The following CAPN13 variants were observed in gnomAD, a reference collection of about 807,000 sequenced individuals.
The protein encoded by CAPN13 is calpain-13.
CAPN13 carries 90 observed loss-of-function variants against 98.4 expected under a neutral mutation model. That is an observed-to-expected ratio of 0.92 (90% CI 0.77 to 1.09). CAPN13 has a LOEUF of 1.09. CAPN13 is among the 50% of genes least tolerant of loss of function. The pLI is 0.00. For missense variants in CAPN13, 887 were observed against 841.3 expected, an observed-to-expected ratio of 1.05 and a Z score of -0.67; for synonymous variants, 330 against 305.5, an observed-to-expected ratio of 1.08 and a Z score of -0.84.
intron 9 of CAPN13, among the ~76,000 whole-genome samples, chr2:30,754,066 G>T (rs1263755349): frequency 3.3e-5 from 5 of 152,098 alleles, no homozygotes; most frequent in African/African-American, 1.2e-4. Flanking sequence ...AAAATGTCCT[G>T]GAAAGTTCAG....
At chr2:30,807,140 T>C (rs1675677943) in intron 1 of CAPN13, among the ~76,000 whole-genome samples, 162 bp downstream of exon 1, 1 of 152,186 alleles carries the variant, frequency 6.6e-6, no homozygotes, top group East Asian at 1.9e-4. Context: ...TTGGACCACC[T>C]GCATCAAAAA....
chr2:30,797,535 G>A (rs894483441), intron 1 of CAPN13, among the ~76,000 whole-genome samples: 3 of 152,114 alleles, frequency 2.0e-5, no homozygotes, highest in African/African-American at 4.8e-5. Flanking sequence ...AGCAGCAGAC[G>A]GATATTAATT....
chr2:30,759,426 C>G (rs1672708172), intron 7 of CAPN13, among the ~76,000 whole-genome samples: 1 of 152,194 alleles, frequency 6.6e-6, no homozygotes, highest in Non-Finnish European at 1.5e-5. Flanking sequence ...CAGCCCTCAG[C>G]ATGGCGAGAG....
In CAPN13 at chr2:30,732,618, C is replaced by T. The variant is rs1452931314; in HGVS notation, c.1799-52G>A. On this transcript the variant is annotated intron_variant, in intron 19 of 22. Transcript: ENST00000295055. The stretch of plus-strand genomic sequence containing the variant: ...GAGAGGAGGCTAGGGCTCGGGGGTT[C>T]CTCTGCCTCTCAGGGTCTGAGACAC... 7.0e-6 allele frequency: 11 copies of T among 1,567,814 alleles called. No individual in the cohort carries two copies. In the Admixed American group the frequency reaches 1.7e-4, roughly 24 times the overall value.
chr2:30,770,536 T>G, intron 4 of CAPN13, 87 bp from the exon 5 acceptor site: 1 of 1,489,352 alleles, frequency 6.7e-7, no homozygotes, highest in Non-Finnish European at 9.2e-7. Flanking sequence ...AGTTGCAACA[T>G]GACCTCTACA....
chr2:30,782,872 C>CAT (rs1464837166), intron 2 of CAPN13, among the ~76,000 whole-genome samples: 1 of 152,154 alleles, frequency 6.6e-6, no homozygotes, highest in Admixed American at 6.5e-5. Context: ...AGCCACAAGC[C>CAT]ATATGTGGAT....
intron 1 of CAPN13, among the ~76,000 whole-genome samples, chr2:30,804,634 G>A (rs555058771): frequency 9.2e-5 from 14 of 152,300 alleles, no homozygotes; most frequent in Admixed American, 2.0e-4. Flanking sequence ...TGTATACCAT[G>A]CTTTAGGAAA....
At chr2:30,761,957 G>A (rs1672871994) in intron 7 of CAPN13, among the ~76,000 whole-genome samples, 1 of 152,174 alleles carries the variant, frequency 6.6e-6, no homozygotes, top group Admixed American at 6.5e-5. Context: ...GGTCCATAAA[G>A]TCCTGGGAGA....
At chr2:30,791,661 A>G (rs139600667) in intron 1 of CAPN13, among the ~76,000 whole-genome samples, 1 of 152,262 alleles carries the variant, frequency 6.6e-6, no homozygotes. Flanking sequence ...CATGGAAAAG[A>G]TGCATAAGAG....
intron 14 of CAPN13, 31 bp from the exon 15 acceptor site, chr2:30,741,995 AC>A (rs1283566701): frequency 6.2e-7 from 1 of 1,604,106 alleles, no homozygotes; most frequent in Non-Finnish European, 8.5e-7. Flanking sequence ...TCAATGTTAG[AC>A]TTCTGGGGAA....
intron 2 of CAPN13, among the ~76,000 whole-genome samples, chr2:30,783,198 G>T (rs115321297): frequency 0.089 from 13,586 of 152,154 alleles, 1,332 homozygotes; most frequent in East Asian, 0.43. Context: ...CTCCTAAAAG[G>T]GGTCCACTCT....
chr2:30,742,968 C>A (rs559804453), intron 13 of CAPN13, among the ~76,000 whole-genome samples: 99 of 152,332 alleles, frequency 6.5e-4, no homozygotes, highest in African/African-American at 2.3e-3. Context: ...ACTCTCCAAG[C>A]AGCCCTGTGC....
At chr2:30,771,092 T>C (rs1673386507) in intron 4 of CAPN13, among the ~76,000 whole-genome samples, 1 of 152,226 alleles carries the variant, frequency 6.6e-6, no homozygotes, top group Non-Finnish European at 1.5e-5. Flanking sequence ...CTGGCATCGC[T>C]ACTGCTAAGA....
In CAPN13 at chr2:30,752,260, C is replaced by G. The variant is rs1374592446; in HGVS notation, c.1087+793G>C. ...GTGCCCAGAGGAAGGGATGCATATG[C>G]ATCCCTGGGTGCAAACACACAACAA... On this transcript the variant is annotated intron_variant, in intron 10 of 22. Transcript: ENST00000295055. Among the ~76,000 whole-genome samples, 3 of 152,346 alleles carry G rather than the reference C, an allele frequency of 2.0e-5. 1 individual carries two copies. Among genetic ancestry groups the G allele is most frequent in the Admixed American group, 2.0e-4 (3 of 15,302 alleles).
intron 18 of CAPN13, among the ~76,000 whole-genome samples, chr2:30,735,022 G>C (rs895170060): frequency 1.3e-5 from 2 of 152,202 alleles, no homozygotes; most frequent in African/African-American, 4.8e-5. Flanking sequence ...TTTATAAAGT[G>C]CTTGAGGGAG....
chr2:30,732,358 T>G, intron 20 of CAPN13, 80 bp downstream of exon 20: 1 of 1,565,540 alleles, frequency 6.4e-7, no homozygotes, highest in African/African-American at 1.4e-5. Context: ...AGACCTGGGG[T>G]GGGGTAGGGG....
At chr2:30,777,731 T>A in intron 2 of CAPN13, 92 bp from the exon 3 acceptor site, 1 of 1,075,838 alleles carries the variant, frequency 9.3e-7, no homozygotes, top group Non-Finnish European at 1.4e-6. Flanking sequence ...GGGTCGAGGT[T>A]AATTCTTAAA....
At chr2:30,788,999 G>A (rs1428536530) in intron 1 of CAPN13, among the ~76,000 whole-genome samples, 1 of 152,090 alleles carries the variant, frequency 6.6e-6, no homozygotes, top group Non-Finnish European at 1.5e-5. Context: ...GGTAAGAAAT[G>A]GTTAAATACA....
intron 6 of CAPN13, 36 bp downstream of exon 6, chr2:30,764,096 C>T (rs1487617660): frequency 1.9e-6 from 3 of 1,541,528 alleles, no homozygotes; most frequent in South Asian, 1.2e-5. Flanking sequence ...CTGAGGAAAG[C>T]TTGAACTGGT....
Sources: gnomAD v4.1 joint callset for allele counts (sites outside exome capture counted in the v4.1 genomes callset) on GRCh38, gnomAD v4.1.1 for gene constraint, MANE v1.5 for transcripts, NCBI Gene and HGNC (gene_info 2026-07-23, HGNC 2026-07-21) for gene names.